The following PILRB variants were observed in gnomAD, a reference collection of about 807,000 sequenced individuals.
PILRB encodes paired immunoglobin like type 2 receptor beta, also known as paired immunoglobulin-like type 2 receptor beta.
In PILRB, 21 loss-of-function variants were observed where a neutral mutation model predicts 20.5. The ratio of observed to expected loss-of-function variants is 1.02; its 90% CI spans 0.72 to 1.47. PILRB has a LOEUF of 1.47. Ranked by LOEUF, PILRB falls within the 40% of genes most tolerant of loss-of-function variation. The pLI is 0.00. For missense variants in PILRB, 253 were observed against 272.1 expected (o/e 0.93, Z 0.49); for synonymous variants, 133 against 115.1 (o/e 1.16, Z -0.99).
intron 3 of PILRB, 132 bp from the exon 4 acceptor site, chr7:100,367,217 A>G: frequency 1.2e-6 from 1 of 836,970 alleles, no homozygotes; most frequent in Non-Finnish European, 2.1e-6. Context: ...TAAGAACCCC[A>G]CAAGCCCAGC....
Position 100,367,690 on chromosome 7 carries a change from T to G in PILRB, c.*313T>G. 2.7e-6 allele frequency: 1 copy of G among 369,164 alleles called. No homozygotes were observed. The highest frequency in any genetic ancestry group is 4.9e-6 in the Non-Finnish European group (1 of 203,512). 22.9% of individuals were successfully genotyped at this position (369,164 alleles called of 1,614,324 possible). ...TATAGCAGTGCAAAGAGTTCCTTTA[T>G]CCTCCCCAAGGATGGAAAAATACAA... On this transcript the variant is annotated 3_prime_UTR_variant, in exon 4 of 4. Transcript: ENST00000609309.
intron 3 of PILRB, among the ~76,000 whole-genome samples, chr7:100,365,342 T>C (rs1790647353): frequency 6.6e-6 from 1 of 152,192 alleles, no homozygotes; most frequent in African/African-American, 2.4e-5. Flanking sequence ...TGCTGTAGTA[T>C]AAATGAGCCT....
chr7:100,364,601 C>T (rs1790623035), intron 3 of PILRB, among the ~76,000 whole-genome samples: 1 of 152,192 alleles, frequency 6.6e-6, no homozygotes, highest in Admixed American at 6.5e-5. Context: ...TGGGGTTAAT[C>T]AGAAGCTGCC....
chr7:100,365,901 C>T (rs887358673), intron 3 of PILRB, among the ~76,000 whole-genome samples: 5 of 151,278 alleles, frequency 3.3e-5, no homozygotes, highest in East Asian at 1.9e-4. Flanking sequence ...ACACTTAACA[C>T]TGCCAAACTG....
intron 3 of PILRB, among the ~76,000 whole-genome samples, chr7:100,361,227 A>C (rs970324134): frequency 1.1e-4 from 16 of 151,888 alleles, no homozygotes; most frequent in Non-Finnish European, 2.2e-4. Flanking sequence ...GAGCCACCGC[A>C]CCCGGCCAGT....
Position 100,358,971 on chromosome 7 carries a change from CGG to C in PILRB, c.347_348del (p.Arg116GlnfsTer104). On this transcript the variant is annotated frameshift_variant, in exon 2 of 4. Coordinates refer to ENST00000609309, the MANE Select transcript of PILRB (RefSeq NM_178238.4). LOFTEE classifies it high-confidence loss of function. The part of the protein sequence containing the change: ...ESGFLRISNL[R>X]KEDQSVYFCR... ...CGGCTTCCTCAGGATCTCAAACCTG[CGG>C]AAGGAGGACCAGTCTGTGTATTTCT... 6.2e-7 allele frequency: 1 copy of C among 1,614,108 alleles called. No individual in the cohort carries two copies. Among genetic ancestry groups the C allele is most frequent in the Non-Finnish European group, 8.5e-7 (1 of 1,180,038 alleles).
chr7:100,367,419 G>C lies in PILRB; in HGVS notation c.*42G>C, dbSNP rs568913855. The C allele has an allele frequency of 1.3e-6, 1 of 780,266 alleles. No individual in the cohort carries two copies. The highest frequency in any genetic ancestry group is 1.3e-5 in the South Asian group (1 of 74,608). The allele number at this position is 780,266 out of a possible 1,614,324, so 48.3% of individuals were successfully genotyped here. On this transcript the variant is annotated 3_prime_UTR_variant, in exon 4 of 4. Coordinates refer to ENST00000609309, the MANE Select transcript of PILRB (RefSeq NM_178238.4). Reference sequence around the variant, plus strand: ...AGAAGGGATGTGTATTAGCCCCGGAGGACGTGATGTGAGACCCGCTTGTGA... The same window carrying C: ...AGAAGGGATGTGTATTAGCCCCGGACGACGTGATGTGAGACCCGCTTGTGA...
At chr7:100,362,563 C>T (rs1336089286) in intron 3 of PILRB, among the ~76,000 whole-genome samples, 2 of 151,882 alleles carry the variant, frequency 1.3e-5, no homozygotes, top group African/African-American at 2.4e-5. Flanking sequence ...GCCTGGAGTG[C>T]AGTGGTGCCA....
At chr7:100,358,623 G>GGTCA (rs1367169984) in intron 1 of PILRB, 67 bp from the exon 2 acceptor site, 1 of 1,569,588 alleles carries the variant, frequency 6.4e-7, no homozygotes, top group African/African-American at 1.3e-5. Context: ...GAGGGTCTGG[G>GGTCA]GTCACCCTCT....
intron 3 of PILRB, among the ~76,000 whole-genome samples, chr7:100,361,517 C>A (rs191153418): frequency 1.3e-5 from 2 of 152,196 alleles, no homozygotes; most frequent in East Asian, 3.9e-4. Context: ...AATGGTGAAA[C>A]CCCATCTCAA....
At chr7:100,361,264 T>C (rs1189683046) in intron 3 of PILRB, among the ~76,000 whole-genome samples, 1 of 152,116 alleles carries the variant, frequency 6.6e-6, no homozygotes, top group Admixed American at 6.5e-5. Flanking sequence ...GGGAGATCCA[T>C]GTGTGGCATC....
rs1790596878 is a variant in PILRB, at chr7:100,363,788, G to A, written c.656-3561G>A. 2.0e-5 allele frequency among the ~76,000 whole-genome samples: 3 copies of A among 152,188 alleles called. No homozygotes were observed. In the South Asian group the frequency reaches 6.2e-4, roughly 32 times the overall value. On this transcript the variant is annotated intron_variant, in intron 3 of 3. Coordinates refer to ENST00000609309, the MANE Select transcript of PILRB (RefSeq NM_178238.4). ...ATTTCAAAATGTATTAAAAACTATG[G>A]TAATCAAAACGATGTGGTACTGAAA... is the stretch of plus-strand genomic sequence containing the variant.
chr7:100,359,518 G>A lies in PILRB; in HGVS notation c.636G>A (p.Leu212=), dbSNP rs200744746. The change falls in exon 3 of 4, where the codon CTG becomes CTA. Residue 212 remains leucine (L), a synonymous_variant. Transcript: ENST00000609309. ...TGGGACTGCTGTGCCTCCTCCTCCT[G>A]TGGTGGAGGAGAAGGAAAGGTAAGT... ...VILGLLCLLL[L]WWRRRKGSRA... The A allele has an allele frequency of 3.1e-6, 5 of 1,613,578 alleles. No individual in the cohort carries two copies. The highest frequency in any genetic ancestry group is 1.3e-5 in the African/African-American group (1 of 74,902).
rs1790490212 is a variant in PILRB, at chr7:100,360,311, G to C, written c.655+774G>C. 2.0e-5 allele frequency among the ~76,000 whole-genome samples: 3 copies of C among 152,248 alleles called. No individual in the cohort carries two copies. The South Asian group carries it at 6.2e-4, about 31-fold the overall frequency. On this transcript the variant is annotated intron_variant, in intron 3 of 3. Transcript: ENST00000609309. ...AACTGGGGGTGTGGAGTTGTCAGTT[G>C]CCTCAAGGACTAATTGCTTCATTGA... is the stretch of plus-strand genomic sequence containing the variant.
chr7:100,364,509 T>G (rs1444420931), intron 3 of PILRB, among the ~76,000 whole-genome samples: 1 of 152,150 alleles, frequency 6.6e-6, no homozygotes, highest in Non-Finnish European at 1.5e-5. Context: ...GTTGTTTGAC[T>G]CCAGGGCAGG....
rs1193632079 is a variant in PILRB at position 100,362,514 on chromosome 7, C to CT, written c.655+2989dup. ...CATTGGACAAGATTGAACACCTTTC[C>CT]TTTTTTTTTTTTGAGATGGAGCCTC... is the stretch of plus-strand genomic sequence containing the variant. On this transcript the variant is annotated intron_variant, in intron 3 of 3. Coordinates refer to ENST00000609309, the MANE Select transcript of PILRB (RefSeq NM_178238.4). 4.1e-3 allele frequency among the ~76,000 whole-genome samples: 598 copies of CT among 144,996 alleles called. 3 individuals carry two copies. The highest frequency in any genetic ancestry group is 0.011 in the African/African-American group (439 of 39,780).
At chr7:100,363,774 T>C (rs1790596351) in intron 3 of PILRB, among the ~76,000 whole-genome samples, 1 of 152,174 alleles carries the variant, frequency 6.6e-6, no homozygotes, top group Non-Finnish European at 1.5e-5. Flanking sequence ...TTTCAAAATG[T>C]ATTAAAAACT....
At chr7:100,365,455 A>G (rs1790652659) in intron 3 of PILRB, among the ~76,000 whole-genome samples, 1 of 152,238 alleles carries the variant, frequency 6.6e-6, no homozygotes, top group African/African-American at 2.4e-5. Flanking sequence ...AGAAACAGGA[A>G]GCAGAAAGGT....
chr7:100,366,395 T>C (rs1790686672), intron 3 of PILRB, among the ~76,000 whole-genome samples: 1 of 151,642 alleles, frequency 6.6e-6, no homozygotes, highest in South Asian at 2.1e-4. Flanking sequence ...AGGGGTGCCG[T>C]GAGGCCTGGG....
Sources: gnomAD v4.1 joint callset for allele counts (sites outside exome capture counted in the v4.1 genomes callset) on GRCh38, gnomAD v4.1.1 for gene constraint, MANE v1.5 for transcripts, NCBI Gene and HGNC (gene_info 2026-07-23, HGNC 2026-07-21) for gene names.